The following CAT variants were observed in gnomAD, a reference collection of about 807,000 sequenced individuals.
The protein encoded by CAT is epididymis secretory sperm binding protein.
Under a neutral mutation model 59.0 loss-of-function variants are expected in CAT, and 43 were observed. That is an observed-to-expected ratio of 0.73 (90% CI 0.57 to 0.94). The LOEUF (loss-of-function observed/expected upper bound fraction) is 0.94. Among genes scored for constraint, CAT ranks in the 40% least tolerant of loss-of-function variants. The probability of loss-of-function intolerance (pLI) is 0.00; values close to 1 mark genes in which losing one functional copy is unlikely to be tolerated. For missense variants in CAT, 664 were observed against 682.9 expected (o/e 0.97, Z 0.31); for synonymous variants, 218 against 230.9 (o/e 0.94, Z 0.51).
At position 34,461,300 on chromosome 11, in the gene CAT, A is replaced by G. The variant is rs148712764; in HGVS notation, c.1106A>G (p.Asn369Ser). Residue 369 changes from asparagine to serine, a missense_variant, in exon 9 of 13, where the codon AAT (asparagine) becomes AGT (serine). By Grantham distance (46) the Asn-to-Ser change is conservative (BLOSUM62 1). Transcript: ENST00000241052. ...ACTCACCGCCATCGCCTGGGACCCAATTATCTTCATATACCTGTGAACTGT... is the reference window on the plus strand; with the variant it reads ...ACTCACCGCCATCGCCTGGGACCCAGTTATCTTCATATACCTGTGAACTGT... The part of the protein sequence containing the change: ...PDTHRHRLGP[N>S]YLHIPVNCPY... 3.3e-5 allele frequency: 54 copies of G among 1,614,174 alleles called. No individual in the cohort carries two copies. The highest frequency in any genetic ancestry group is 3.3e-4 in the East Asian group (15 of 44,874).
chr11:34,470,770 A>G, intron 11 of CAT, 188 bp from the exon 12 acceptor site: 2 of 678,704 alleles, frequency 2.9e-6, no homozygotes, highest in East Asian at 5.4e-5. Context: ...CTCAGCCAGT[A>G]TATGTCAGAG....
At chr11:34,441,121 A>G (rs569311498) in intron 1 of CAT, among the ~76,000 whole-genome samples, 1 of 152,288 alleles carries the variant, frequency 6.6e-6, no homozygotes, top group South Asian at 2.1e-4. Context: ...AGCTGCTCTT[A>G]GTAAAAACCG....
At chr11:34,452,370 G>A (rs1856534543) in intron 4 of CAT, among the ~76,000 whole-genome samples, 163 bp downstream of exon 4, 2 of 152,166 alleles carry the variant, frequency 1.3e-5, no homozygotes, top group African/African-American at 4.8e-5. Flanking sequence ...ATAAGATAAA[G>A]TAAGAACAGT....
At chr11:34,456,961 G>A (rs1856598040) in intron 8 of CAT, 144 bp downstream of exon 8, 15 of 851,640 alleles carry the variant, frequency 1.8e-5, no homozygotes, top group Non-Finnish European at 1.9e-6. Context: ...TTACCTTGTG[G>A]GATTCACTGA....
intron 6 of CAT, 97 bp from the exon 7 acceptor site, chr11:34,455,914 G>T: frequency 1.1e-6 from 1 of 930,442 alleles, no homozygotes; most frequent in South Asian, 1.4e-5. Context: ...TTCATTCTTT[G>T]GGCAGTGTTA....
intron 10 of CAT, 107 bp from the exon 11 acceptor site, chr11:34,468,181 T>C (rs566771579): frequency 5.6e-4 from 481 of 859,600 alleles, no homozygotes; most frequent in Non-Finnish European, 8.1e-4. Context: ...TATTCTTAAC[T>C]TCTAAAGTTT....
chr11:34,467,547 A>G (rs1304585425), intron 10 of CAT, among the ~76,000 whole-genome samples: 1 of 152,236 alleles, frequency 6.6e-6, no homozygotes, highest in Non-Finnish European at 1.5e-5. Context: ...AAACATTAAT[A>G]GAACAGCACG....
chr11:34,447,140 C>G (rs983902339), intron 1 of CAT, among the ~76,000 whole-genome samples: 2 of 152,172 alleles, frequency 1.3e-5, no homozygotes, highest in African/African-American at 4.8e-5. Context: ...TGCTCTGGCT[C>G]TCTAATTATT....
intron 9 of CAT, 78 bp from the exon 10 acceptor site, chr11:34,464,027 T>G (rs1247608063): frequency 7.1e-7 from 1 of 1,412,490 alleles, no homozygotes; most frequent in Non-Finnish European, 1.0e-6. Flanking sequence ...TTGAATTTAT[T>G]TCTCATCACA....
chr11:34,471,352 T>C lies in CAT; in HGVS notation c.1519-16T>C, dbSNP rs1425929644. The C allele has an allele frequency of 6.2e-7, 1 of 1,611,774 alleles. No individual in the cohort carries two copies. The highest frequency in any genetic ancestry group is 2.2e-5 in the East Asian group (1 of 44,888). ...CATGAGGTGATTAACCTGCTCATCT[T>C]GTTCTTTTAAAACAGAATGCGATTC... On this transcript the variant is annotated splice_polypyrimidine_tract_variant and intron_variant, in intron 12 of 12. Transcript: ENST00000241052.
At chr11:34,449,921 A>G (rs2133181431) in intron 2 of CAT, among the ~76,000 whole-genome samples, 1 of 152,322 alleles carries the variant, frequency 6.6e-6, no homozygotes, top group South Asian at 2.1e-4. Context: ...AGGTTGGGGT[A>G]CAAGGCAAGA....
rs1369163776 is a variant in CAT at position 34,461,264 on chromosome 11, C to T, written c.1070C>T (p.Ala357Val). The T allele has an allele frequency of 6.2e-7, 1 of 1,614,184 alleles. No individual in the cohort carries two copies. Among genetic ancestry groups the T allele is most frequent in the Non-Finnish European group, 8.5e-7 (1 of 1,180,010 alleles). ...PDKMLQGRLF[A>V]YPDTHRHRLG... ...TTATTACTGCAGGGCCGCCTTTTTG[C>T]CTATCCTGACACTCACCGCCATCGC... Residue 357 changes from alanine (A) to valine (V), a missense_variant, in exon 9 of 13, where the codon GCC becomes GTC. By Grantham distance (64) the Ala-to-Val change is moderately conservative (BLOSUM62 0). Coordinates refer to ENST00000241052, the MANE Select transcript of CAT (RefSeq NM_001752.4).
At chr11:34,469,472 G>A (rs1326524975) in intron 11 of CAT, among the ~76,000 whole-genome samples, 1 of 152,186 alleles carries the variant, frequency 6.6e-6, no homozygotes, top group Non-Finnish European at 1.5e-5. Flanking sequence ...ATTCCTGCCT[G>A]AAGTGTGTGG....
chr11:34,466,487 A>AT (rs1856718556), intron 10 of CAT, among the ~76,000 whole-genome samples: 2 of 152,294 alleles, frequency 1.3e-5, no homozygotes, highest in South Asian at 4.1e-4. Context: ...AGGTTTGAGA[A>AT]AATAGATGGG....
intron 3 of CAT, among the ~76,000 whole-genome samples, chr11:34,451,741 GT>G (rs1856525989): frequency 6.6e-6 from 1 of 152,076 alleles, no homozygotes; most frequent in South Asian, 2.1e-4. Flanking sequence ...CACTTATTCT[GT>G]TTGTCACTAC....
intron 6 of CAT, among the ~76,000 whole-genome samples, 199 bp from the exon 7 acceptor site, chr11:34,455,812 A>G (rs577280155): frequency 4.5e-4 from 69 of 151,938 alleles, no homozygotes; most frequent in African/African-American, 1.6e-3. Flanking sequence ...TTCCCTTGAC[A>G]TTTAAAAGTA....
At position 34,452,344 on chromosome 11, in the gene CAT, C is replaced by A; in HGVS notation, c.480+137C>A. 3 of 749,746 alleles carry A rather than the reference C, an allele frequency of 4.0e-6. No individual in the cohort carries two copies. The Admixed American group carries it at 6.7e-5, about 17-fold the overall frequency. 46.4% of individuals were successfully genotyped at this position (749,746 alleles called of 1,614,324 possible). A position where few individuals can be genotyped will look rare whatever the true frequency, so the allele number is the denominator to read the frequency against. On this transcript the variant is annotated intron_variant, in intron 4 of 12. Coordinates refer to ENST00000241052, the MANE Select transcript of CAT (RefSeq NM_001752.4). Reference sequence around the variant, plus strand: ...GTTGTCTGGACTACTTTTTTCAACACATTTTTCTGTATTTAATAAGATAAA... The same window carrying A: ...GTTGTCTGGACTACTTTTTTCAACAAATTTTTCTGTATTTAATAAGATAAA...
In CAT at chr11:34,441,326, G is replaced by T. The variant is rs554890890; in HGVS notation, c.66+2247G>T. Among the ~76,000 whole-genome samples the T allele has an allele frequency of 1.9e-4, 29 of 152,264 alleles. No individual in the cohort carries two copies. The South Asian group carries it at 5.6e-3, about 29-fold the overall frequency. ...TTCTACAAGGAACATTTTGCCCTGT[G>T]TCTTTTATTACGTTACTCCATCTGT... On this transcript the variant is annotated intron_variant, in intron 1 of 12. Transcript: ENST00000241052.
At chr11:34,450,915 C>G (rs2133182052) in intron 2 of CAT, 73 bp from the exon 3 acceptor site, 4 of 960,688 alleles carry the variant, frequency 4.2e-6, no homozygotes, top group Middle Eastern at 2.1e-4. Context: ...CTCTTGTCAC[C>G]CAGGTGCCTG....
Sources: gnomAD v4.1 joint callset for allele counts (sites outside exome capture counted in the v4.1 genomes callset) on GRCh38, gnomAD v4.1.1 for gene constraint, MANE v1.5 for transcripts, NCBI Gene and HGNC (gene_info 2026-07-23, HGNC 2026-07-21) for gene names.